The following FARP1 variants were observed in gnomAD, a reference collection of about 807,000 sequenced individuals.
The protein encoded by FARP1 is FERM, ARH/RhoGEF and pleckstrin domain protein 1.
A neutral mutation model predicts 128.8 loss-of-function variants in FARP1; 52 were observed. The observed-to-expected ratio is 0.40, with a 90% CI of 0.32 to 0.51. The LOEUF (loss-of-function observed/expected upper bound fraction) is 0.51. Ranked by LOEUF, FARP1 falls within the 20% of genes least tolerant of loss-of-function variation. FARP1 has a pLI of 0.45. For synonymous variants in FARP1, 580 were observed against 551.8 expected (o/e 1.05, Z -0.72); for missense variants, 1,333 against 1,367.9 (o/e 0.97, Z 0.40).
At chr13:98,278,982 C>T (rs1345349962) in intron 2 of FARP1, among the ~76,000 whole-genome samples, 3 of 147,740 alleles carry the variant, frequency 2.0e-5, no homozygotes, top group Admixed American at 6.7e-5. Context: ...CCTGCCACCA[C>T]GCCCTGCTAA....
At chr13:98,274,749 C>T (rs1884555158) in intron 2 of FARP1, among the ~76,000 whole-genome samples, 2 of 152,170 alleles carry the variant, frequency 1.3e-5, no homozygotes, top group African/African-American at 4.8e-5. Context: ...CACTAGTAAA[C>T]GATTACTAAC....
At chr13:98,370,576 G>A (rs147845347) in intron 5 of FARP1, among the ~76,000 whole-genome samples, 1 of 137,046 alleles carries the variant, frequency 7.3e-6, no homozygotes, top group African/African-American at 3.1e-5. Context: ...TTGAGTGACT[G>A]GGGGGGAGAT....
intron 13 of FARP1, chr13:98,401,855 C>G (rs888907898): frequency 7.2e-5 from 11 of 152,302 alleles, no homozygotes; most frequent in Admixed American, 6.5e-4. Flanking sequence ...TATTCAGGAT[C>G]ATTTCGGTGT....
At chr13:98,386,057 G>T in intron 8 of FARP1, 1 of 473,530 alleles carries the variant, frequency 2.1e-6, no homozygotes, top group Non-Finnish European at 3.8e-6. Flanking sequence ...TATTGACTTT[G>T]TAGCATCACA....
At chr13:98,203,875 T>C (rs1468721021) in intron 1 of FARP1, 1 of 152,262 alleles carries the variant, frequency 6.6e-6, no homozygotes, top group Non-Finnish European at 1.5e-5. Context: ...CAGCATTTTA[T>C]ATTCCTTCCA....
chr13:98,236,053 A>C (rs1404774133), intron 2 of FARP1, among the ~76,000 whole-genome samples: 2 of 152,058 alleles, frequency 1.3e-5, no homozygotes, highest in East Asian at 1.9e-4. Context: ...CGAACTCCCG[A>C]CCTCAGGTGA....
At chr13:98,243,404 G>T (rs771641802) in intron 2 of FARP1, among the ~76,000 whole-genome samples, 7 of 152,000 alleles carry the variant, frequency 4.6e-5, no homozygotes, top group Non-Finnish European at 8.8e-5. Flanking sequence ...TGATTAAGAA[G>T]AATCTGTATG....
intron 18 of FARP1, chr13:98,432,622 T>A (rs1892075710): frequency 6.6e-6 from 1 of 152,250 alleles, no homozygotes; most frequent in Admixed American, 6.5e-5. Flanking sequence ...CCCAACTCTT[T>A]AGCCAAAACT....
At chr13:98,204,242 A>T (rs975848945) in intron 1 of FARP1, 1 of 152,238 alleles carries the variant, frequency 6.6e-6, no homozygotes, top group African/African-American at 2.4e-5. Context: ...CTTTTTTGTT[A>T]TAACCATTAC....
At chr13:98,335,860 G>C (rs146537414) in intron 2 of FARP1, among the ~76,000 whole-genome samples, 1 of 152,292 alleles carries the variant, frequency 6.6e-6, no homozygotes, top group Non-Finnish European at 1.5e-5. Flanking sequence ...AAGGGCACAA[G>C]GCCTTCGAGA....
At chr13:98,230,731 C>CA (rs1288014104) in intron 2 of FARP1, among the ~76,000 whole-genome samples, 1 of 152,080 alleles carries the variant, frequency 6.6e-6, no homozygotes, top group African/African-American at 2.4e-5. Flanking sequence ...TAACGAGTCT[C>CA]AAAGAGGAAG....
At chr13:98,368,287 T>A in intron 5 of FARP1, 92 bp downstream of exon 5, 6 of 914,348 alleles carry the variant, frequency 6.6e-6, no homozygotes, top group Non-Finnish European at 1.1e-5. Flanking sequence ...AACATTTTCA[T>A]AATGTTTACT....
At chr13:98,250,762 T>C (rs1883286194) in intron 2 of FARP1, among the ~76,000 whole-genome samples, 1 of 152,002 alleles carries the variant, frequency 6.6e-6, no homozygotes, top group South Asian at 2.1e-4. Context: ...TATATAACAC[T>C]ACCAGTATGG....
chr13:98,156,157 T>G (rs765909297), intron 1 of FARP1, among the ~76,000 whole-genome samples: 5 of 152,220 alleles, frequency 3.3e-5, no homozygotes, highest in African/African-American at 4.8e-5. Flanking sequence ...ATTATAAAAG[T>G]CCTTGTGATC....
At chr13:98,445,841 T>C (rs1020454163) in intron 24 of FARP1, 6 of 402,030 alleles carry the variant, frequency 1.5e-5, no homozygotes, top group African/African-American at 1.1e-4. Flanking sequence ...AAGGTACTGG[T>C]AGTCAGGACC....
chr13:98,411,469 T>C (rs1891193110), intron 15 of FARP1, among the ~76,000 whole-genome samples: 1 of 152,216 alleles, frequency 6.6e-6, no homozygotes, highest in African/African-American at 2.4e-5. Context: ...GTGTGAAGGC[T>C]GTGGCTTTAT....
At position 98,298,171 on chromosome 13, in the gene FARP1, C is replaced by G. The variant is rs149819229; in HGVS notation, c.172-45591C>G. Among the ~76,000 whole-genome samples the G allele has an allele frequency of 2.1e-4, 32 of 152,364 alleles. No homozygotes were observed. The East Asian group carries it at 5.8e-3, about 28-fold the overall frequency. The stretch of plus-strand genomic sequence containing the variant: ...CTCTGCATATTTGAGCATCTGTCCT[C>G]TATCAGGCATTATGTGTATACTTTC... On this transcript the variant is annotated intron_variant, in intron 2 of 26. Transcript: ENST00000319562.
intron 22 of FARP1, 35 bp downstream of exon 22, chr13:98,440,078 T>C (rs1006327090): frequency 6.2e-7 from 1 of 1,609,872 alleles, no homozygotes; most frequent in Non-Finnish European, 8.5e-7. Context: ...CTGTTTCCCC[T>C]TTGATGTGCT....
intron 6 of FARP1, chr13:98,383,939 C>T (rs1399720398): frequency 6.6e-6 from 1 of 152,196 alleles, no homozygotes; most frequent in Non-Finnish European, 1.5e-5. Flanking sequence ...AGATTATCTA[C>T]CTTTGCACCC....
Sources: gnomAD v4.1 joint callset for allele counts (sites outside exome capture counted in the v4.1 genomes callset) on GRCh38, gnomAD v4.1.1 for gene constraint, MANE v1.5 for transcripts, NCBI Gene and HGNC (gene_info 2026-07-23, HGNC 2026-07-21) for gene names.